Variants in ATF6 observed in about 807,000 individuals in gnomAD.
ATF6 encodes activating transcription factor 6.
Under a neutral mutation model 83.6 loss-of-function variants are expected in ATF6, and 53 were observed. The ratio of observed to expected loss-of-function variants is 0.63; its 90% CI spans 0.51 to 0.80. The LOEUF (loss-of-function observed/expected upper bound fraction) is 0.80. ATF6 is among the 30% of genes least tolerant of loss of function. ATF6 has a pLI of 0.00. For missense variants in ATF6, 744 were observed against 797.9 expected, an observed-to-expected ratio of 0.93 and a Z score of 0.81; for synonymous variants, 288 against 285.8, an observed-to-expected ratio of 1.01 and a Z score of -0.08.
Position 161,912,335 on chromosome 1 carries a change from A to G in ATF6, c.1759A>G (p.Thr587Ala), listed in dbSNP as rs529689975. 1 of 1,610,450 alleles carries G rather than the reference A, an allele frequency of 6.2e-7. No homozygotes were observed. Among genetic ancestry groups the G allele is most frequent in the African/African-American group, 1.3e-5 (1 of 74,872 alleles). ...ACCAGCTACCACCCATAACAAGACC[A>G]CAAGACCAAAAATGTCAATTGTGTT... ...LLPATTHNKT[T>A]RPKMSIVLPA... is the part of the protein sequence containing the mutation. Residue 587 changes from threonine (T) to alanine (A), a missense_variant, in exon 15 of 16, where the codon ACA becomes GCA. By Grantham distance (58) the Thr-to-Ala change is moderately conservative. Coordinates refer to ENST00000367942, the MANE Select transcript of ATF6 (RefSeq NM_007348.4).
chr1:161,959,863 A>G lies in ATF6; in HGVS notation c.*1209A>G, dbSNP rs898943815. The G allele has an allele frequency of 2.0e-5, 3 of 152,168 alleles. No individual in the cohort carries two copies. The highest frequency in any genetic ancestry group is 7.2e-5 in the African/African-American group (3 of 41,430). The allele number at this position is 152,168 out of a possible 1,614,324, so 9.4% of individuals were successfully genotyped here. A position where few individuals can be genotyped will look rare whatever the true frequency, so the allele number is the denominator to read the frequency against. ...AGCTTTCATTTTCATTCATTCTTCT[A>G]TTGAAATTATACCAAATTCAGCTGA... On this transcript the variant is annotated 3_prime_UTR_variant, in exon 16 of 16. Coordinates refer to ENST00000367942, the MANE Select transcript of ATF6 (RefSeq NM_007348.4).
intron 2 of ATF6, among the ~76,000 whole-genome samples, chr1:161,780,375 A>AT (rs1412014718): frequency 1.3e-5 from 2 of 150,382 alleles, no homozygotes; most frequent in African/African-American, 4.9e-5. Context: ...TTTTATTTTT[A>AT]TTTTTATTTT....
chr1:161,953,501 A>G (rs1214823607), intron 15 of ATF6, among the ~76,000 whole-genome samples: 1 of 152,198 alleles, frequency 6.6e-6, no homozygotes, highest in African/African-American at 2.4e-5. Flanking sequence ...CCCAGTGTCC[A>G]CAATACCCTT....
At chr1:161,897,129 A>C (rs1265952198) in intron 14 of ATF6, among the ~76,000 whole-genome samples, 1 of 152,112 alleles carries the variant, frequency 6.6e-6, no homozygotes, top group Non-Finnish European at 1.5e-5. Context: ...TAATATTTTT[A>C]CTGAATTAAA....
At chr1:161,897,733 A>C (rs1040782770) in intron 14 of ATF6, among the ~76,000 whole-genome samples, 3 of 152,356 alleles carry the variant, frequency 2.0e-5, no homozygotes, top group Middle Eastern at 3.4e-3. Flanking sequence ...TAGATTTTGA[A>C]GACTTAGGGT....
intron 15 of ATF6, among the ~76,000 whole-genome samples, chr1:161,950,945 C>T (rs1315975785): frequency 6.6e-6 from 1 of 152,184 alleles, no homozygotes; most frequent in African/African-American, 2.4e-5. Flanking sequence ...GAAGAAACCT[C>T]CCACAGTTGT....
At chr1:161,856,126 A>G (rs1216819888) in intron 12 of ATF6, among the ~76,000 whole-genome samples, 1 of 152,242 alleles carries the variant, frequency 6.6e-6, no homozygotes, top group Non-Finnish European at 1.5e-5. Flanking sequence ...AGTATGTGTT[A>G]TGTTCTAAAG....
At chr1:161,829,587 A>G (rs1685996466) in intron 9 of ATF6, among the ~76,000 whole-genome samples, 2 of 152,164 alleles carry the variant, frequency 1.3e-5, no homozygotes, top group South Asian at 2.1e-4. Context: ...CTAGCAACAT[A>G]TCAAAAAGCT....
chr1:161,778,459 A>G, intron 2 of ATF6, 139 bp downstream of exon 2: 1 of 634,800 alleles, frequency 1.6e-6, no homozygotes, highest in Non-Finnish European at 2.7e-6. Context: ...ATTAAGTATG[A>G]AAGTTAGTAG....
chr1:161,844,317 A>C (rs1015875609), intron 9 of ATF6, among the ~76,000 whole-genome samples: 4 of 152,206 alleles, frequency 2.6e-5, no homozygotes, highest in African/African-American at 9.6e-5. Context: ...TATAATCTTG[A>C]AAAAGAAAGC....
At chr1:161,908,470 C>T (rs1350689172) in intron 14 of ATF6, among the ~76,000 whole-genome samples, 1 of 152,120 alleles carries the variant, frequency 6.6e-6, no homozygotes, top group Non-Finnish European at 1.5e-5. Flanking sequence ...CAATATTGCA[C>T]AACATTAGAA....
intron 14 of ATF6, among the ~76,000 whole-genome samples, chr1:161,887,989 A>G (rs1437878613): frequency 6.6e-6 from 1 of 152,260 alleles, no homozygotes; most frequent in Non-Finnish European, 1.5e-5. Flanking sequence ...AACTTTTTAA[A>G]AAACAACTGC....
At chr1:161,777,143 T>C (rs1301883330) in intron 1 of ATF6, among the ~76,000 whole-genome samples, 1 of 152,118 alleles carries the variant, frequency 6.6e-6, no homozygotes, top group Non-Finnish European at 1.5e-5. Flanking sequence ...AATAATTATG[T>C]GTATGTGGAG....
chr1:161,926,442 C>A (rs1688310510), intron 15 of ATF6, among the ~76,000 whole-genome samples: 1 of 152,116 alleles, frequency 6.6e-6, no homozygotes, highest in African/African-American at 2.4e-5. Flanking sequence ...GATGTGCCTC[C>A]ACATTCACTC....
Position 161,799,571 on chromosome 1 carries a change from C to T in ATF6, c.689-2481C>T, listed in dbSNP as rs551594417. 2.7e-3 allele frequency among the ~76,000 whole-genome samples: 404 copies of T among 152,244 alleles called. 1 individual carries two copies. The highest frequency in any genetic ancestry group is 9.0e-3 in the African/African-American group (375 of 41,558). ...ATGTAACAAACCTGCCTGTCTACCC[C>T]CTGAACCTAAAATAAAAGTTGGGGG... is the stretch of plus-strand genomic sequence containing the variant. On this transcript the variant is annotated intron_variant, in intron 6 of 15. Transcript: ENST00000367942.
chr1:161,809,386 T>G (rs1227898706), intron 7 of ATF6, among the ~76,000 whole-genome samples: 1 of 151,406 alleles, frequency 6.6e-6, no homozygotes, highest in Non-Finnish European at 1.5e-5. Flanking sequence ...TCCTTTTTTA[T>G]GGCTGCATAG....
At chr1:161,773,370 C>T (rs1007120965) in intron 1 of ATF6, among the ~76,000 whole-genome samples, 5 of 151,994 alleles carry the variant, frequency 3.3e-5, no homozygotes, top group Admixed American at 6.6e-5. Context: ...ATCTCCTGAC[C>T]TCATGATCCG....
intron 15 of ATF6, among the ~76,000 whole-genome samples, chr1:161,949,482 A>G (rs1011909708): frequency 6.6e-6 from 1 of 152,146 alleles, no homozygotes; most frequent in African/African-American, 2.4e-5. Context: ...CAGGTATGGT[A>G]GTAAGTCTGT....
In ATF6 at chr1:161,844,592, G is replaced by A. The variant is rs925467305; in HGVS notation, c.1188-1857G>A. On this transcript the variant is annotated intron_variant, in intron 9 of 15. Coordinates refer to ENST00000367942, the MANE Select transcript of ATF6 (RefSeq NM_007348.4). Reference sequence around the variant, plus strand: ...TGGATATTTCACTAATAACAATAGCGGGGTCAGTAGGGGTTGAATTAATTG... The same window carrying A: ...TGGATATTTCACTAATAACAATAGCAGGGTCAGTAGGGGTTGAATTAATTG... Among the ~76,000 whole-genome samples the A allele has an allele frequency of 6.6e-5, 10 of 152,164 alleles. No homozygotes were observed. The South Asian group carries it at 1.2e-3, about 19-fold the overall frequency.
Sources: gnomAD v4.1 joint callset for allele counts (sites outside exome capture counted in the v4.1 genomes callset) on GRCh38, gnomAD v4.1.1 for gene constraint, MANE v1.5 for transcripts, NCBI Gene and HGNC (gene_info 2026-07-23, HGNC 2026-07-21) for gene names.